ZFPM2: variants seen among roughly 807,000 people sequenced by gnomAD.
ZFPM2 encodes the protein zinc finger protein, FOG family member 2.
Under a neutral mutation model 98.6 loss-of-function variants are expected in ZFPM2, and 20 were observed. The observed-to-expected ratio is 0.20, with a 90% CI of 0.14 to 0.29. The LOEUF (loss-of-function observed/expected upper bound fraction) is 0.29, where lower values mean the gene tolerates loss of function less well. Among genes scored for constraint, ZFPM2 ranks in the 10% least tolerant of loss-of-function variants. The pLI is 1.00. For missense variants in ZFPM2, 1,310 were observed against 1,388.6 expected (o/e 0.94, Z 0.90); for synonymous variants, 518 against 502.7 (o/e 1.03, Z -0.41).
chr8:105,796,830 T>C (rs1813833844), intron 6 of ZFPM2: 2 of 152,184 alleles, frequency 1.3e-5, no homozygotes, highest in African/African-American at 4.8e-5. Context: ...CTTAGTCCCA[T>C]TGTACATTTT....
intron 5 of ZFPM2, among the ~76,000 whole-genome samples, chr8:105,686,143 C>T (rs1017538458): frequency 1.3e-5 from 2 of 152,006 alleles, no homozygotes; most frequent in African/African-American, 4.8e-5. Context: ...TTTTATCTTA[C>T]TTGCCCTAAC....
At position 105,803,674 on chromosome 8, in the gene ZFPM2, G is replaced by A. The variant is rs1462108518; in HGVS notation, c.*136G>A. The A allele has an allele frequency of 1.4e-5, 12 of 860,268 alleles. No homozygotes were observed. The highest frequency in any genetic ancestry group is 2.6e-5 in the Admixed American group (1 of 38,458). 53.3% of individuals were successfully genotyped at this position (860,268 alleles called of 1,614,324 possible). A position where few individuals can be genotyped will look rare whatever the true frequency, so the allele number is the denominator to read the frequency against. On this transcript the variant is annotated 3_prime_UTR_variant, in exon 8 of 8. Coordinates refer to ENST00000407775, the MANE Select transcript of ZFPM2 (RefSeq NM_012082.4). ...CATTATGGCTGAGTTGAAGACTTAA[G>A]GTGTAATTTCATTACAGTCCATTAG... is the stretch of plus-strand genomic sequence containing the variant.
chr8:105,754,381 C>T (rs1586240913), intron 5 of ZFPM2, among the ~76,000 whole-genome samples: 2 of 152,104 alleles, frequency 1.3e-5, no homozygotes, highest in African/African-American at 4.8e-5. Context: ...AAATATGTAG[C>T]GTCAGAAGTA....
chr8:105,730,179 G>C (rs1811898096), intron 5 of ZFPM2, among the ~76,000 whole-genome samples: 1 of 151,668 alleles, frequency 6.6e-6, no homozygotes, highest in African/African-American at 2.4e-5. Flanking sequence ...TGAGTTCTTT[G>C]TCATCCTCCA....
intron 1 of ZFPM2, chr8:105,388,015 T>G (rs2129916768): frequency 6.6e-6 from 1 of 152,360 alleles, no homozygotes. Context: ...GTCTTAGAAA[T>G]ATGTGAACCT....
chr8:105,414,599 TC>T (rs570397855), intron 1 of ZFPM2, among the ~76,000 whole-genome samples: 192 of 151,638 alleles, frequency 1.3e-3, no homozygotes, highest in African/African-American at 4.3e-3. Flanking sequence ...TGTTTTCGCA[TC>T]CCCCCCTTTT....
At chr8:105,364,910 G>T (rs1246003991) in intron 1 of ZFPM2, among the ~76,000 whole-genome samples, 2 of 152,026 alleles carry the variant, frequency 1.3e-5, no homozygotes, top group Admixed American at 1.3e-4. Flanking sequence ...GATAATTACT[G>T]CTCCTACTGC....
intron 1 of ZFPM2, among the ~76,000 whole-genome samples, chr8:105,396,925 A>G (rs1811231362): frequency 6.6e-6 from 1 of 152,220 alleles, no homozygotes; most frequent in African/African-American, 2.4e-5. Context: ...TATTGCCAGT[A>G]ACATTATAAC....
At chr8:105,751,974 G>A (rs147257797) in intron 5 of ZFPM2, among the ~76,000 whole-genome samples, 8 of 152,130 alleles carry the variant, frequency 5.3e-5, no homozygotes, top group East Asian at 1.9e-4. Context: ...AAATACATTC[G>A]TTATTGCATT....
At chr8:105,338,089 T>G (rs1172622201) in intron 1 of ZFPM2, among the ~76,000 whole-genome samples, 1 of 151,808 alleles carries the variant, frequency 6.6e-6, no homozygotes, top group Non-Finnish European at 1.5e-5. Context: ...TAAAAACTCA[T>G]GAGTTATGCT....
chr8:105,445,380 A>G (rs1205348735), intron 3 of ZFPM2, among the ~76,000 whole-genome samples: 9 of 152,198 alleles, frequency 5.9e-5, no homozygotes, highest in Non-Finnish European at 1.2e-4. Context: ...AAGATTTTAT[A>G]TCAAAAATGT....
intron 3 of ZFPM2, among the ~76,000 whole-genome samples, chr8:105,516,849 G>A (rs73304160): frequency 0.01 from 1,553 of 152,248 alleles, 28 homozygotes; most frequent in African/African-American, 0.035. Context: ...CTATAAAATA[G>A]GCACTAAATA....
At chr8:105,785,117 T>A (rs188190608) in intron 5 of ZFPM2, 1 of 152,310 alleles carries the variant, frequency 6.6e-6, no homozygotes, top group African/African-American at 2.4e-5. Flanking sequence ...GGTTACCACA[T>A]GAATGCAGAG....
chr8:105,416,639 T>C (rs1000838663), intron 1 of ZFPM2, among the ~76,000 whole-genome samples: 1 of 151,910 alleles, frequency 6.6e-6, no homozygotes, highest in African/African-American at 2.4e-5. Flanking sequence ...AAGTATATAT[T>C]GTAATTTCTG....
At position 105,425,376 on chromosome 8, in the gene ZFPM2, C is replaced by T. The variant is rs553050615; in HGVS notation, c.199+6074C>T. On this transcript the variant is annotated intron_variant, in intron 2 of 7. Coordinates refer to ENST00000407775, the MANE Select transcript of ZFPM2 (RefSeq NM_012082.4). ...TACAGATAACTCCAATCAGAATTATCCCTGAAGCCAAGGGCTTGATGAGAC... is the reference window on the plus strand; with the variant it reads ...TACAGATAACTCCAATCAGAATTATTCCTGAAGCCAAGGGCTTGATGAGAC... Among the ~76,000 whole-genome samples the T allele has an allele frequency of 9.0e-4, 137 of 152,210 alleles. 2 individuals carry two copies. The South Asian group carries it at 0.028, about 31-fold the overall frequency.
intron 5 of ZFPM2, among the ~76,000 whole-genome samples, chr8:105,683,218 C>G (rs1019678391): frequency 2.6e-5 from 4 of 152,078 alleles, no homozygotes; most frequent in African/African-American, 9.7e-5. Context: ...GCATTCAGGT[C>G]ATAGCAAGCA....
chr8:105,325,999 A>G (rs1366915787), intron 1 of ZFPM2, among the ~76,000 whole-genome samples: 2 of 151,772 alleles, frequency 1.3e-5, no homozygotes, highest in South Asian at 2.1e-4. Context: ...GTATTTAGAA[A>G]GTATCTTTGA....
chr8:105,350,886 A>C (rs1375679969), intron 1 of ZFPM2, among the ~76,000 whole-genome samples: 1 of 152,100 alleles, frequency 6.6e-6, no homozygotes, highest in Non-Finnish European at 1.5e-5. Context: ...CCAGATAGAA[A>C]ATGACATAGT....
In ZFPM2 at chr8:105,439,752, C is replaced by T. The variant is rs140590296; in HGVS notation, c.200-4528C>T. Among the ~76,000 whole-genome samples the T allele has an allele frequency of 1.1e-4, 17 of 152,240 alleles. No homozygotes were observed. The East Asian group carries it at 3.1e-3, about 28-fold the overall frequency. On this transcript the variant is annotated intron_variant, in intron 2 of 7. Coordinates refer to ENST00000407775, the MANE Select transcript of ZFPM2 (RefSeq NM_012082.4). ...AGATTCATAAGGAATAAGAAAAGTG[C>T]TTGGAAGGAGTGGATATTATTTAAA...
Sources: gnomAD v4.1 joint callset for allele counts (sites outside exome capture counted in the v4.1 genomes callset) on GRCh38, gnomAD v4.1.1 for gene constraint, MANE v1.5 for transcripts, NCBI Gene and HGNC (gene_info 2026-07-23, HGNC 2026-07-21) for gene names.